Variants in FMN1 observed in about 807,000 individuals in gnomAD.
The protein encoded by FMN1 is formin-1.
In FMN1, 110 loss-of-function variants were observed where a neutral mutation model predicts 132.4. That is an observed-to-expected ratio of 0.83 (90% confidence interval 0.71 to 0.97). The LOEUF is 0.97. FMN1 is among the 50% of genes least tolerant of loss of function. The probability of loss-of-function intolerance (pLI) is 0.00; values close to 1 mark genes in which losing one functional copy is unlikely to be tolerated. For missense variants in FMN1, 1,792 were observed against 1,705.3 expected, an observed-to-expected ratio of 1.05 and a Z score of -0.90; for synonymous variants, 722 against 651.7, an observed-to-expected ratio of 1.11 and a Z score of -1.64.
intron 17 of FMN1, among the ~76,000 whole-genome samples, chr15:32,822,347 CACAA>C (rs141916370): frequency 8.5e-5 from 13 of 152,194 alleles, no homozygotes; most frequent in East Asian, 1.9e-4. Context: ...GAGAGTCTGT[CACAA>C]ACAAACAAAC....
chr15:32,873,360 C>T (rs2059561013), intron 16 of FMN1, among the ~76,000 whole-genome samples: 1 of 152,206 alleles, frequency 6.6e-6, no homozygotes, highest in Admixed American at 6.5e-5. Flanking sequence ...GGCCAATAGT[C>T]TCGCTTGCTG....
chr15:33,107,903 C>A (rs2140109118), intron 4 of FMN1, among the ~76,000 whole-genome samples: 1 of 152,160 alleles, frequency 6.6e-6, no homozygotes, highest in South Asian at 2.1e-4. Flanking sequence ...ATTTTTCATG[C>A]TGGCCCCTTA....
At position 32,898,821 on chromosome 15, in the gene FMN1, T is replaced by C. The variant is rs748784504; in HGVS notation, c.3714+13A>G. 6.4e-7 allele frequency: 1 copy of C among 1,558,474 alleles called. No individual in the cohort carries two copies. Among genetic ancestry groups the C allele is most frequent in the South Asian group, 1.1e-5 (1 of 88,758 alleles). ...TAAGAGGTGAAACTTTTCCACGTAA[T>C]ACCATTTCTTACCTGATCATAGTAA... On this transcript the variant is annotated intron_variant, in intron 15 of 20. Coordinates refer to ENST00000616417, the MANE Select transcript of FMN1 (RefSeq NM_001277313.2).
chr15:33,089,078 T>A lies in FMN1; in HGVS notation c.1868-104A>T, dbSNP rs151296165. On this transcript the variant is annotated intron_variant, in intron 4 of 20. Coordinates refer to ENST00000616417, the MANE Select transcript of FMN1 (RefSeq NM_001277313.2). Reference sequence around the variant, plus strand: ...TACATAGACTTCTCTATGCTAGCTCTTACTTTGCTTTCTAAGTTATATTTT... The same window carrying A: ...TACATAGACTTCTCTATGCTAGCTCATACTTTGCTTTCTAAGTTATATTTT... 2,179 of 889,302 alleles carry A rather than the reference T, an allele frequency of 2.5e-3. 40 individuals are homozygous for A. In the African/African-American group the frequency reaches 0.034, roughly 14 times the overall value. The allele number at this position is 889,302 out of a possible 1,614,324, so 55.1% of individuals were successfully genotyped here.
intron 6 of FMN1, among the ~76,000 whole-genome samples, chr15:33,053,966 A>G (rs547852729): frequency 6.6e-6 from 1 of 152,194 alleles, no homozygotes; most frequent in African/African-American, 2.4e-5. Context: ...TTGAGTAAGT[A>G]AATCACTGGA....
intron 6 of FMN1, among the ~76,000 whole-genome samples, chr15:33,043,474 T>C (rs1396526237): frequency 6.6e-6 from 1 of 152,248 alleles, no homozygotes; most frequent in Non-Finnish European, 1.5e-5. Context: ...ATAACTCTTG[T>C]TCCACCATGT....
chr15:32,923,823 T>C (rs548969284), intron 10 of FMN1, among the ~76,000 whole-genome samples: 13 of 152,184 alleles, frequency 8.5e-5, no homozygotes, highest in Non-Finnish European at 1.6e-4. Flanking sequence ...CGCACTGCAG[T>C]AGGACATGCT....
intron 11 of FMN1, 25 bp downstream of exon 11, chr15:32,910,449 A>G: frequency 6.5e-7 from 1 of 1,530,174 alleles, no homozygotes; most frequent in African/African-American, 1.4e-5. Flanking sequence ...TGGAAATACT[A>G]GCTCTGTAAG....
At chr15:33,012,559 G>C (rs2034789831) in intron 6 of FMN1, 1 of 1,514,676 alleles carries the variant, frequency 6.6e-7, no homozygotes, top group Non-Finnish European at 9.0e-7. Flanking sequence ...AAGGGGCTTT[G>C]CCTTTGTAAC....
intron 4 of FMN1, among the ~76,000 whole-genome samples, chr15:33,124,081 G>A (rs915978400): frequency 1.3e-5 from 2 of 152,158 alleles, no homozygotes; most frequent in East Asian, 1.9e-4. Context: ...TCCATAAACA[G>A]ATCACAGTGA....
At chr15:32,965,154 T>C (rs1255535855) in intron 8 of FMN1, among the ~76,000 whole-genome samples, 4 of 152,124 alleles carry the variant, frequency 2.6e-5, no homozygotes, top group African/African-American at 9.7e-5. Context: ...TCCAAGCACT[T>C]TGGGAGGCTG....
chr15:33,136,900 C>A (rs1340695924), intron 4 of FMN1, among the ~76,000 whole-genome samples: 1 of 151,752 alleles, frequency 6.6e-6, no homozygotes, highest in African/African-American at 2.4e-5. Context: ...CCAGCCTGGC[C>A]AACATGGTGA....
chr15:33,048,630 C>CAAAAAAAAAAAAAAAAAAAAAAAA (rs1566865254), intron 6 of FMN1, among the ~76,000 whole-genome samples: 6 of 11,442 alleles, frequency 5.2e-4, no homozygotes, highest in African/African-American at 1.6e-3. Context: ...GGGCAATTTA[C>CAAAAAAAAAAAAAAAAAAAAAAAA]CAAAAAAAAA....
At chr15:32,823,337 T>G (rs1446261693) in intron 17 of FMN1, among the ~76,000 whole-genome samples, 1 of 151,908 alleles carries the variant, frequency 6.6e-6, no homozygotes, top group African/African-American at 2.4e-5. Context: ...AATTTCTTTT[T>G]GTATTTTTAG....
At chr15:33,181,566 GGTAGGA>G (rs767975676) in intron 2 of FMN1, among the ~76,000 whole-genome samples, 2 of 152,208 alleles carry the variant, frequency 1.3e-5, no homozygotes, top group Non-Finnish European at 2.9e-5. Context: ...TAGAGCAACA[GGTAGGA>G]GTCAGATCAG....
At chr15:32,900,749 G>A (rs1209906883) in intron 13 of FMN1, among the ~76,000 whole-genome samples, 1 of 152,070 alleles carries the variant, frequency 6.6e-6, no homozygotes. Flanking sequence ...TTGTCTCCCT[G>A]TCTCATTTGT....
intron 6 of FMN1, among the ~76,000 whole-genome samples, chr15:33,043,540 G>A (rs1027239399): frequency 3.3e-5 from 5 of 152,326 alleles, no homozygotes; most frequent in South Asian, 2.1e-4. Flanking sequence ...CCTGATTCAC[G>A]AATTGTTCAT....
chr15:33,081,290 CA>C (rs1350832977), intron 5 of FMN1, among the ~76,000 whole-genome samples: 1 of 152,108 alleles, frequency 6.6e-6, no homozygotes, highest in African/African-American at 2.4e-5. Flanking sequence ...GTAACATTTC[CA>C]ACAATATTTC....
chr15:33,075,547 T>C (rs548299877), intron 5 of FMN1, among the ~76,000 whole-genome samples: 14 of 152,220 alleles, frequency 9.2e-5, no homozygotes, highest in African/African-American at 2.7e-4. Context: ...CTTCCATCTG[T>C]GTCACTTGAG....
Sources: gnomAD v4.1 joint callset for allele counts (sites outside exome capture counted in the v4.1 genomes callset) on GRCh38, gnomAD v4.1.1 for gene constraint, MANE v1.5 for transcripts, NCBI Gene and HGNC (gene_info 2026-07-23, HGNC 2026-07-21) for gene names.